The following PRRG4 variants were observed in gnomAD, a reference collection of about 807,000 sequenced individuals.
PRRG4 encodes transmembrane gamma-carboxyglutamic acid protein 4.
Under a neutral mutation model 20.0 loss-of-function variants are expected in PRRG4, and 12 were observed. The observed-to-expected ratio is 0.60, with a 90% CI of 0.38 to 0.97. PRRG4 has a LOEUF of 0.97. Among genes scored for constraint, PRRG4 ranks in the 50% least tolerant of loss-of-function variants. The pLI is 0.00. For synonymous variants in PRRG4, 94 were observed against 96.4 expected, an observed-to-expected ratio of 0.98 and a Z score of 0.15; for missense variants, 199 against 265.1, an observed-to-expected ratio of 0.75 and a Z score of 1.73.
At chr11:32,838,359 G>A (rs113861476) in intron 3 of PRRG4, among the ~76,000 whole-genome samples, 3 of 152,172 alleles carry the variant, frequency 2.0e-5, no homozygotes, top group African/African-American at 7.2e-5. Context: ...GGGAGGCTGA[G>A]GTGGGAGGAT....
Position 32,853,363 on chromosome 11 carries a change from G to A in PRRG4, c.517G>A (p.Ala173Thr). The A allele has an allele frequency of 6.2e-7, 1 of 1,614,106 alleles. No homozygotes were observed. The highest frequency in any genetic ancestry group is 8.5e-7 in the Non-Finnish European group (1 of 1,180,018). The change falls in exon 6 of 6, where the codon GCC becomes ACC. Residue 173 changes from alanine to threonine, a missense_variant. Transcript: ENST00000257836. Reference sequence around the variant, plus strand: ...CATTTTCAGAAGACCTGAGGAGGCTGCCTTGTCTCCATTGCCGCCTTCTGT... The same window carrying A: ...CATTTTCAGAAGACCTGAGGAGGCTACCTTGTCTCCATTGCCGCCTTCTGT... ...SIIFRRPEEAALSPLPPSVED... is the reference protein window; with the variant it reads ...SIIFRRPEEATLSPLPPSVED...
intron 3 of PRRG4, among the ~76,000 whole-genome samples, chr11:32,837,375 A>C (rs1851030017): frequency 6.6e-6 from 1 of 152,022 alleles, no homozygotes; most frequent in Admixed American, 6.6e-5. Context: ...CTATCAGTGT[A>C]ATTTGAGGGA....
chr11:32,837,938 A>G (rs1449110464), intron 3 of PRRG4, among the ~76,000 whole-genome samples: 1 of 152,042 alleles, frequency 6.6e-6, no homozygotes, highest in Non-Finnish European at 1.5e-5. Context: ...TTTTTGTTCA[A>G]TAAGAACCTC....
intron 1 of PRRG4, 135 bp from the exon 2 acceptor site, chr11:32,830,373 G>A: frequency 1.1e-6 from 1 of 889,980 alleles, no homozygotes; most frequent in South Asian, 3.1e-5. Flanking sequence ...GTCGGGTTCC[G>A]GCGACCGAAA....
chr11:32,831,913 C>T (rs61889492), intron 2 of PRRG4, among the ~76,000 whole-genome samples: 11,535 of 152,040 alleles, frequency 0.076, 468 homozygotes, highest in Non-Finnish European at 0.089. Context: ...CCCAGCTACC[C>T]GGGAGGCAGA....
chr11:32,839,977 G>C, intron 4 of PRRG4, 130 bp from the exon 5 acceptor site: 1 of 523,504 alleles, frequency 1.9e-6, no homozygotes, highest in East Asian at 3.4e-5. Context: ...CTAGCACAAA[G>C]ACTTGAAAGA....
At position 32,841,672 on chromosome 11, in the gene PRRG4, C is replaced by T. The variant is rs931498575; in HGVS notation, c.449+1433C>T. Among the ~76,000 whole-genome samples the T allele has an allele frequency of 7.9e-5, 12 of 151,852 alleles. 2 individuals carry two copies. Among genetic ancestry groups the T allele is most frequent in the Admixed American group, 5.3e-4 (8 of 15,214 alleles). On this transcript the variant is annotated intron_variant, in intron 5 of 5. Coordinates refer to ENST00000257836, the MANE Select transcript of PRRG4 (RefSeq NM_024081.6). ...AAAAAATTCAAAAATTAGCTGGGCA[C>T]GGTGGCCTGAGGCTGTAGTCTCATC...
intron 5 of PRRG4, among the ~76,000 whole-genome samples, chr11:32,844,111 G>A (rs1396447183): frequency 1.3e-5 from 2 of 152,156 alleles, no homozygotes; most frequent in African/African-American, 2.4e-5. Context: ...AAATAGATAT[G>A]GTATAGTGGT....
At chr11:32,834,500 CCTAT>C (rs973153637) in intron 2 of PRRG4, among the ~76,000 whole-genome samples, 2 of 152,048 alleles carry the variant, frequency 1.3e-5, no homozygotes, top group Non-Finnish European at 2.9e-5. Context: ...TCAAATAGCC[CCTAT>C]CTATTATTTA....
intron 3 of PRRG4, among the ~76,000 whole-genome samples, chr11:32,837,541 G>GATTATTATTATTATT (rs35934196): frequency 1.0e-5 from 1 of 95,868 alleles, no homozygotes; most frequent in Non-Finnish European, 2.1e-5. Context: ...TGATGATGAT[G>GATTATTATTATTATT]ATTATTATTA....
intron 2 of PRRG4, among the ~76,000 whole-genome samples, chr11:32,833,355 T>G (rs1338834809): frequency 2.6e-5 from 4 of 152,336 alleles, no homozygotes; most frequent in South Asian, 4.1e-4. Context: ...TGGCTCTCCC[T>G]TTTTCTGTTT....
chr11:32,831,709 A>G (rs1850972986), intron 2 of PRRG4, among the ~76,000 whole-genome samples: 1 of 152,194 alleles, frequency 6.6e-6, no homozygotes, highest in African/African-American at 2.4e-5. Flanking sequence ...GCAATCATTC[A>G]TTCACATGAC....
intron 4 of PRRG4, among the ~76,000 whole-genome samples, chr11:32,839,749 T>TA: frequency 8.3e-6 from 1 of 120,142 alleles, no homozygotes. Context: ...AAAATATAGA[T>TA]ATATTTTGAA....
At chr11:32,850,072 G>A in intron 5 of PRRG4, among the ~76,000 whole-genome samples, 1 of 152,170 alleles carries the variant, frequency 6.6e-6, no homozygotes. Context: ...GAAGAAATAG[G>A]CAAAATTTGT....
chr11:32,838,106 A>G (rs1851041151), intron 3 of PRRG4, among the ~76,000 whole-genome samples: 1 of 152,130 alleles, frequency 6.6e-6, no homozygotes, highest in Non-Finnish European at 1.5e-5. Flanking sequence ...TCTCTCAAGT[A>G]GCACTGAACT....
At chr11:32,829,894 C>G, upstream of PRRG4, 1 of 985,486 alleles carries the variant, frequency 1.0e-6, no homozygotes, top group South Asian at 4.7e-5. Flanking sequence ...TGGGGCGCGG[C>G]CAGGTGTCCC....
intron 1 of PRRG4, 114 bp from the exon 2 acceptor site, chr11:32,830,394 G>T: frequency 1.0e-6 from 1 of 966,272 alleles, no homozygotes; most frequent in South Asian, 3.1e-5. Flanking sequence ...CCGCGCGCCG[G>T]GCGCTCTTGC....
rs150790963 is a variant in PRRG4 at position 32,841,819 on chromosome 11, G to A, written c.449+1580G>A. Among the ~76,000 whole-genome samples the A allele has an allele frequency of 6.1e-4, 93 of 152,074 alleles. 1 individual carries two copies. The East Asian group carries it at 0.017, about 27-fold the overall frequency. On this transcript the variant is annotated intron_variant, in intron 5 of 5. Coordinates refer to ENST00000257836, the MANE Select transcript of PRRG4 (RefSeq NM_024081.6). Reference sequence around the variant, plus strand: ...CAACAACAACAAAAAGGAAAATTTAGGAGAAAATTTGGATATAGCTACATG... The same window carrying A: ...CAACAACAACAAAAAGGAAAATTTAAGAGAAAATTTGGATATAGCTACATG...
chr11:32,835,229 A>C (rs901747709), intron 2 of PRRG4, among the ~76,000 whole-genome samples: 2 of 152,264 alleles, frequency 1.3e-5, no homozygotes, highest in Non-Finnish European at 2.9e-5. Flanking sequence ...AATATCTTGG[A>C]CAAAATGTGA....
Sources: gnomAD v4.1 joint callset for allele counts (sites outside exome capture counted in the v4.1 genomes callset) on GRCh38, gnomAD v4.1.1 for gene constraint, MANE v1.5 for transcripts, NCBI Gene and HGNC (gene_info 2026-07-23, HGNC 2026-07-21) for gene names.